The following TSHZ2 variants were observed in gnomAD, a reference collection of about 807,000 sequenced individuals.
TSHZ2 encodes the protein teashirt homolog 2.
TSHZ2 carries 21 observed loss-of-function variants against 74.4 expected under a neutral mutation model. The observed-to-expected ratio is 0.28, with a 90% CI of 0.20 to 0.41. TSHZ2 has a LOEUF of 0.41. TSHZ2 is among the 10% of genes least tolerant of loss of function. The pLI, the probability that TSHZ2 is intolerant of heterozygous loss-of-function variation, is 1.00. For synonymous variants in TSHZ2, 540 were observed against 515.3 expected, an observed-to-expected ratio of 1.05 and a Z score of -0.65; for missense variants, 1,244 against 1,293.5, an observed-to-expected ratio of 0.96 and a Z score of 0.59.
intron 2 of TSHZ2, among the ~76,000 whole-genome samples, chr20:53,311,560 C>T (rs1978786973): frequency 6.6e-6 from 1 of 152,194 alleles, no homozygotes; most frequent in South Asian, 2.1e-4. Context: ...ACACAGTGGG[C>T]AGTGAATTTT....
intron 2 of TSHZ2, among the ~76,000 whole-genome samples, chr20:53,375,942 A>T (rs1281146911): frequency 1.3e-5 from 2 of 152,208 alleles, no homozygotes; most frequent in East Asian, 3.8e-4. Flanking sequence ...ACAGGATAGG[A>T]AATACTTATC....
At position 53,491,937 on chromosome 20, in the gene TSHZ2, T is replaced by C. The variant is rs1986457856; in HGVS notation, c.*4802T>C. On this transcript the variant is annotated 3_prime_UTR_variant, in exon 3 of 3. Coordinates refer to ENST00000371497, the MANE Select transcript of TSHZ2 (RefSeq NM_173485.6). Reference sequence around the variant, plus strand: ...GCTGTTTGAAAAAAGACAGATTAAATATTCACAGCCTTTGTATCATGGTTA... The same window carrying C: ...GCTGTTTGAAAAAAGACAGATTAAACATTCACAGCCTTTGTATCATGGTTA... 1 of 152,138 alleles carries C rather than the reference T, an allele frequency of 6.6e-6. No individual in the cohort carries two copies. The highest frequency in any genetic ancestry group is 2.4e-5 in the African/African-American group (1 of 41,430). The allele number at this position is 152,138 out of a possible 1,614,324, so 9.4% of individuals were successfully genotyped here.
At chr20:53,366,652 A>G (rs1981271650) in intron 2 of TSHZ2, among the ~76,000 whole-genome samples, 1 of 152,184 alleles carries the variant, frequency 6.6e-6, no homozygotes, top group East Asian at 1.9e-4. Flanking sequence ...CTAGGTCAAG[A>G]GCATGGCAAA....
Position 53,254,139 on chromosome 20 carries a change from A to G in TSHZ2, c.681A>G (p.Leu227=), listed in dbSNP as rs1172965459. 2 of 1,613,964 alleles carry G rather than the reference A, an allele frequency of 1.2e-6. No homozygotes were observed. Among genetic ancestry groups the G allele is most frequent in the East Asian group, 4.5e-5 (2 of 44,876 alleles). The part of the protein sequence containing the change: ...CRQCSAAYDT[L]VELTVHMNET... ...AGTGCAGCGCGGCCTATGACACCCTAGTCGAGCTGACTGTGCACATGAATG... is the reference window on the plus strand; with the variant it reads ...AGTGCAGCGCGGCCTATGACACCCTGGTCGAGCTGACTGTGCACATGAATG... The change falls in exon 2 of 3, where the codon CTA becomes CTG. Residue 227 remains leucine (L), a synonymous_variant. Coordinates refer to ENST00000371497, the MANE Select transcript of TSHZ2 (RefSeq NM_173485.6).
Position 53,231,662 on chromosome 20 carries a change from C to CT in TSHZ2, c.41-21828dup, listed in dbSNP as rs201046903. Among the ~76,000 whole-genome samples, 835 of 151,284 alleles carry CT rather than the reference C, an allele frequency of 5.5e-3. 4 individuals carry two copies. Among genetic ancestry groups the CT allele is most frequent in the African/African-American group, 0.012 (480 of 41,262 alleles). ...TACGTGCCTGGAAGTGCCTGGAAGT[C>CT]TTTTTTTTTGGTCTTTAAGAAATCA... On this transcript the variant is annotated intron_variant, in intron 1 of 2. Coordinates refer to ENST00000371497, the MANE Select transcript of TSHZ2 (RefSeq NM_173485.6).
At chr20:53,403,331 A>G (rs1982736232) in intron 2 of TSHZ2, among the ~76,000 whole-genome samples, 1 of 152,172 alleles carries the variant, frequency 6.6e-6, no homozygotes, top group Non-Finnish European at 1.5e-5. Context: ...AGGCTCCATA[A>G]ATAAATGAAA....
chr20:53,414,751 G>A (rs1168098372), intron 2 of TSHZ2, among the ~76,000 whole-genome samples: 1 of 152,178 alleles, frequency 6.6e-6, no homozygotes, highest in Non-Finnish European at 1.5e-5. Flanking sequence ...AAGGGCTCAC[G>A]CAAGCACATT....
chr20:53,047,785 C>A (rs1984279296), intron 1 of TSHZ2, among the ~76,000 whole-genome samples: 1 of 152,126 alleles, frequency 6.6e-6, no homozygotes, highest in East Asian at 1.9e-4. Flanking sequence ...AATAAAATTC[C>A]TGTGTGTTAA....
Position 53,163,020 on chromosome 20 carries a change from A to G in TSHZ2, c.41-90479A>G, listed in dbSNP as rs78692702. On this transcript the variant is annotated intron_variant, in intron 1 of 2. Transcript: ENST00000371497. The stretch of plus-strand genomic sequence containing the variant: ...GTACTGAAAAGAATGTAGGAAAACA[A>G]TTTCCTCCATAGTCCTACTATACAG... 9.2e-5 allele frequency among the ~76,000 whole-genome samples: 14 copies of G among 152,304 alleles called. No individual in the cohort carries two copies. In the East Asian group the frequency reaches 2.3e-3, roughly 25 times the overall value.
chr20:53,370,678 C>G (rs920916111), intron 2 of TSHZ2, among the ~76,000 whole-genome samples: 1 of 152,054 alleles, frequency 6.6e-6, no homozygotes, highest in African/African-American at 2.4e-5. Flanking sequence ...GTGGGAAGAT[C>G]GGTTGAGGCC....
At chr20:53,110,440 C>G (rs1225592666) in intron 1 of TSHZ2, among the ~76,000 whole-genome samples, 1 of 152,024 alleles carries the variant, frequency 6.6e-6, no homozygotes, top group Non-Finnish European at 1.5e-5. Context: ...CTCAACATTC[C>G]ATCTGAGAGA....
intron 2 of TSHZ2, among the ~76,000 whole-genome samples, chr20:53,269,363 G>A (rs1329125159): frequency 6.6e-6 from 1 of 152,050 alleles, no homozygotes; most frequent in Non-Finnish European, 1.5e-5. Context: ...AGGGGTGGGG[G>A]GGATAAAAGA....
At chr20:53,482,062 T>C (rs11697137) in intron 2 of TSHZ2, among the ~76,000 whole-genome samples, 29,481 of 135,198 alleles carry the variant, frequency 0.22, 3,143 homozygotes, top group East Asian at 0.33. Context: ...CGAGATATCG[T>C]GCCATTGCAC....
intron 2 of TSHZ2, among the ~76,000 whole-genome samples, chr20:53,327,969 G>A (rs1007285643): frequency 2.6e-5 from 4 of 152,348 alleles, no homozygotes; most frequent in African/African-American, 9.6e-5. Context: ...CGTGACTGCA[G>A]ACTTGTGAAT....
intron 2 of TSHZ2, among the ~76,000 whole-genome samples, chr20:53,372,496 A>AAAGG (rs796909295): frequency 6.6e-6 from 1 of 151,902 alleles, no homozygotes; most frequent in Non-Finnish European, 1.5e-5. Flanking sequence ...AAGAAGGAAG[A>AAAGG]AAGGAAGGAA....
chr20:53,176,256 T>C (rs1482751839), intron 1 of TSHZ2, among the ~76,000 whole-genome samples: 1 of 152,224 alleles, frequency 6.6e-6, no homozygotes, highest in Non-Finnish European at 1.5e-5. Flanking sequence ...ATCTTCTCCC[T>C]GATAAGCCTC....
chr20:53,318,112 G>T (rs73911290), intron 2 of TSHZ2, among the ~76,000 whole-genome samples: 2,120 of 152,284 alleles, frequency 0.014, 51 homozygotes, highest in African/African-American at 0.048. Flanking sequence ...AATAAGCTTG[G>T]ATCAGAAAAA....
chr20:53,204,255 G>GATGATATGATACTATATCATCATATAAC (rs1989095609), intron 1 of TSHZ2, among the ~76,000 whole-genome samples: 1 of 127,612 alleles, frequency 7.8e-6, no homozygotes, highest in African/African-American at 3.0e-5. Context: ...ATCATCATAT[G>GATGATATGATACTATATCATCATATAAC]ATGATATGAT....
chr20:53,144,772 G>A (rs73914924), intron 1 of TSHZ2, among the ~76,000 whole-genome samples: 14,712 of 151,834 alleles, frequency 0.097, 1,937 homozygotes, highest in African/African-American at 0.3. Flanking sequence ...GGTTATATGG[G>A]TAAACACACT....
Sources: allele counts gnomAD v4.1 joint callset (sites outside exome capture counted in the v4.1 genomes callset), GRCh38; gene constraint gnomAD v4.1.1; transcripts MANE v1.5; gene names NCBI Gene and HGNC (gene_info 2026-07-23, HGNC 2026-07-21).